MCCC2: variants seen among roughly 807,000 people sequenced by gnomAD.
MCCC2 encodes the protein methylcrotonyl-CoA carboxylase subunit 2, also known as methylcrotonoyl-CoA carboxylase beta chain, mitochondrial.
A neutral mutation model predicts 77.2 loss-of-function variants in MCCC2; 52 were observed. That is an observed-to-expected ratio of 0.67 (90% confidence interval 0.54 to 0.85). The LOEUF (loss-of-function observed/expected upper bound fraction) is 0.85. Among genes scored for constraint, MCCC2 ranks in the 40% least tolerant of loss-of-function variants. The pLI, the probability that MCCC2 is intolerant of heterozygous loss-of-function variation, is 0.00. For synonymous variants in MCCC2, 253 were observed against 248.4 expected, an observed-to-expected ratio of 1.02 and a Z score of -0.18; for missense variants, 682 against 703.2, an observed-to-expected ratio of 0.97 and a Z score of 0.34.
At chr5:71,596,125 A>G in intron 2 of MCCC2, 155 bp from the exon 3 acceptor site, 1 of 691,094 alleles carries the variant, frequency 1.4e-6, no homozygotes, top group Middle Eastern at 2.7e-4. Context: ...AAAATTGGCA[A>G]CTTGTAAGTT....
chr5:71,643,997 A>G (rs1409502185), intron 12 of MCCC2, 102 bp downstream of exon 12: 16 of 1,423,316 alleles, frequency 1.1e-5, no homozygotes, highest in Non-Finnish European at 1.6e-5. Flanking sequence ...ATGCTTAACT[A>G]GATGCCTCAG....
At chr5:71,624,693 CTTT>C (rs36140678) in intron 6 of MCCC2, among the ~76,000 whole-genome samples, 1,519 of 101,842 alleles carry the variant, frequency 0.015, 36 homozygotes, top group African/African-American at 0.052. Flanking sequence ...TTCTTTCTTT[CTTT>C]TTTTTTTTTT....
At chr5:71,639,375 T>A (rs980705437) in intron 10 of MCCC2, among the ~76,000 whole-genome samples, 21 of 152,322 alleles carry the variant, frequency 1.4e-4, no homozygotes, top group African/African-American at 4.6e-4. Flanking sequence ...CTGCCTCACC[T>A]TATACTTTTG....
intron 6 of MCCC2, among the ~76,000 whole-genome samples, chr5:71,610,300 C>T (rs948535826): frequency 8.5e-5 from 13 of 152,212 alleles, no homozygotes; most frequent in African/African-American, 2.4e-4. Flanking sequence ...GTCCGAAAAG[C>T]GCAATATTCG....
chr5:71,648,871 C>T (rs1330272388), intron 13 of MCCC2, among the ~76,000 whole-genome samples: 1 of 152,188 alleles, frequency 6.6e-6, no homozygotes, highest in Non-Finnish European at 1.5e-5. Context: ...TTTCTGTGTG[C>T]ATCCAGATGA....
rs1051040149 is a variant in MCCC2 at position 71,646,048 on chromosome 5, T to G, written c.1150-163T>G. ...CTGTACTCCAGCCTGGGCAACAGAG[T>G]GAGACCATGTTTCTTTAAAAAAAAA... On this transcript the variant is annotated intron_variant, in intron 12 of 16. Transcript: ENST00000340941. 5.1e-5 allele frequency among the ~76,000 whole-genome samples: 7 copies of G among 138,072 alleles called. 1 individual carries two copies. Among genetic ancestry groups the G allele is most frequent in the Admixed American group, 2.4e-4 (3 of 12,532 alleles). 90.6% of individuals were successfully genotyped at this position (138,072 alleles called of 152,430 possible).
chr5:71,593,093 T>A (rs77130639), intron 2 of MCCC2, 101 bp downstream of exon 2: 195 of 1,044,520 alleles, frequency 1.9e-4, no homozygotes, highest in African/African-American at 3.9e-4. Context: ...TTTGATATTT[T>A]TTTTTTTTTT....
At chr5:71,591,911 T>G (rs1027505464) in intron 1 of MCCC2, among the ~76,000 whole-genome samples, 2 of 152,012 alleles carry the variant, frequency 1.3e-5, no homozygotes, top group African/African-American at 4.8e-5. Context: ...GCCCAGATAA[T>G]TTTTAAATTT....
intron 7 of MCCC2, among the ~76,000 whole-genome samples, chr5:71,630,347 A>G (rs553888724): frequency 6.6e-6 from 1 of 152,080 alleles, no homozygotes; most frequent in Non-Finnish European, 1.5e-5. Flanking sequence ...TCTTTTGTTT[A>G]TCTTTTGAAC....
intron 6 of MCCC2, among the ~76,000 whole-genome samples, 155 bp from the exon 7 acceptor site, chr5:71,626,485 C>G (rs1381844363): frequency 6.6e-6 from 1 of 152,178 alleles, no homozygotes; most frequent in Non-Finnish European, 1.5e-5. Flanking sequence ...AAAACTATTT[C>G]AAACATTTAG....
At chr5:71,592,546 A>G (rs1475140422) in intron 1 of MCCC2, among the ~76,000 whole-genome samples, 1 of 152,222 alleles carries the variant, frequency 6.6e-6, no homozygotes, top group Non-Finnish European at 1.5e-5. Flanking sequence ...AAAAGCTTAT[A>G]TTCCTTAAAA....
intron 6 of MCCC2, among the ~76,000 whole-genome samples, chr5:71,613,100 T>A (rs1383417363): frequency 1.3e-5 from 2 of 152,224 alleles, no homozygotes; most frequent in Admixed American, 6.5e-5. Context: ...CTCTATCTTA[T>A]AAGAACACTT....
At chr5:71,619,855 G>T (rs1746299771) in intron 6 of MCCC2, among the ~76,000 whole-genome samples, 1 of 152,040 alleles carries the variant, frequency 6.6e-6, no homozygotes, top group Non-Finnish European at 1.5e-5. Flanking sequence ...GCCGGGCATG[G>T]TGGTGGGTGC....
At chr5:71,611,189 C>A (rs981291684) in intron 6 of MCCC2, among the ~76,000 whole-genome samples, 1 of 152,052 alleles carries the variant, frequency 6.6e-6, no homozygotes, top group South Asian at 2.1e-4. Context: ...TCACTTGAGT[C>A]CAGGAGTGAG....
intron 6 of MCCC2, among the ~76,000 whole-genome samples, chr5:71,621,221 A>G (rs1746338658): frequency 6.6e-6 from 1 of 152,126 alleles, no homozygotes; most frequent in Non-Finnish European, 1.5e-5. Flanking sequence ...GAAGAAGCAG[A>G]TACAGCTGGG....
In MCCC2 at chr5:71,624,266, A is replaced by G. The variant is rs555323177; in HGVS notation, c.625-2374A>G. On this transcript the variant is annotated intron_variant, in intron 6 of 16. Coordinates refer to ENST00000340941, the MANE Select transcript of MCCC2 (RefSeq NM_022132.5). ...CCATCACTCTGGGGAGCAGGGCTTC[A>G]GCAGATGAGTTCGGAGGAGACACAA... Among the ~76,000 whole-genome samples the G allele has an allele frequency of 3.2e-4, 49 of 152,364 alleles. 2 individuals are homozygous for G. In the South Asian group the frequency reaches 9.7e-3, roughly 30 times the overall value.
chr5:71,637,004 G>A (rs976329719), intron 10 of MCCC2, among the ~76,000 whole-genome samples: 59 of 151,958 alleles, frequency 3.9e-4, no homozygotes, highest in East Asian at 2.0e-3. Context: ...TCAGCCTTCC[G>A]AAGTGCTGGG....
intron 15 of MCCC2, 32 bp from the exon 16 acceptor site, chr5:71,652,637 A>G: frequency 6.4e-7 from 1 of 1,574,274 alleles, no homozygotes; most frequent in Non-Finnish European, 8.7e-7. Context: ...TGTTCACTGA[A>G]GCTGACTTAC....
intron 8 of MCCC2, among the ~76,000 whole-genome samples, chr5:71,633,822 C>T (rs1280281951): frequency 6.6e-6 from 1 of 152,104 alleles, no homozygotes; most frequent in East Asian, 1.9e-4. Flanking sequence ...AGTTATAAGT[C>T]AGCATTTATA....
Sources: gnomAD v4.1 joint callset for allele counts (sites outside exome capture counted in the v4.1 genomes callset) on GRCh38, gnomAD v4.1.1 for gene constraint, MANE v1.5 for transcripts, NCBI Gene and HGNC (gene_info 2026-07-23, HGNC 2026-07-21) for gene names.